The following ZNF618 variants were observed in gnomAD, a reference collection of about 807,000 sequenced individuals.
ZNF618 encodes the protein neural precursor cell expressed, developmentally down-regulated 10.
In ZNF618, 34 loss-of-function variants were observed where a neutral mutation model predicts 103.0. The observed-to-expected ratio is 0.33, with a 90% CI of 0.25 to 0.44. The LOEUF (loss-of-function observed/expected upper bound fraction) is 0.44. Among genes scored for constraint, ZNF618 ranks in the 20% least tolerant of loss-of-function variants. The pLI, the probability that ZNF618 is intolerant of heterozygous loss-of-function variation, is 1.00. For synonymous variants in ZNF618, 551 were observed against 542.2 expected (o/e 1.02, Z -0.23); for missense variants, 1,059 against 1,295.4 (o/e 0.82, Z 2.80).
At chr9:114,036,251 G>A in intron 12 of ZNF618, 49 bp from the exon 13 acceptor site, 1 of 1,528,476 alleles carries the variant, frequency 6.5e-7, no homozygotes. Context: ...AGCAGAAGGT[G>A]TCTGCGTCGG....
intron 2 of ZNF618, among the ~76,000 whole-genome samples, chr9:113,987,503 A>G (rs1344986990): frequency 1.3e-5 from 2 of 152,220 alleles, no homozygotes; most frequent in South Asian, 4.2e-4. Flanking sequence ...CAACCTAGTG[A>G]GTCTTTTTGA....
intron 1 of ZNF618, among the ~76,000 whole-genome samples, chr9:113,896,222 C>G (rs1177896128): frequency 1.3e-5 from 2 of 151,912 alleles, no homozygotes; most frequent in Admixed American, 1.3e-4. Flanking sequence ...GTTCTGCTTT[C>G]TTTAGATTTT....
At chr9:113,941,814 A>G (rs1834578943) in intron 1 of ZNF618, among the ~76,000 whole-genome samples, 1 of 152,208 alleles carries the variant, frequency 6.6e-6, no homozygotes, top group South Asian at 2.1e-4. Context: ...TTTGTAATGA[A>G]AATTTCAGCC....
intron 13 of ZNF618, among the ~76,000 whole-genome samples, chr9:114,047,491 G>A (rs1845754307): frequency 6.6e-6 from 1 of 152,126 alleles, no homozygotes; most frequent in Admixed American, 6.5e-5. Flanking sequence ...CCACTTGGGG[G>A]GTGTAGCTGG....
chr9:114,002,207 A>G (rs1331492664), intron 5 of ZNF618, 134 bp downstream of exon 5: 2 of 802,382 alleles, frequency 2.5e-6, no homozygotes, highest in South Asian at 1.4e-5. Flanking sequence ...TCCTACTTTC[A>G]TCAGTAGGAC....
At chr9:114,046,786 A>G (rs756025436) in intron 13 of ZNF618, among the ~76,000 whole-genome samples, 25 of 152,198 alleles carry the variant, frequency 1.6e-4, no homozygotes, top group Non-Finnish European at 3.4e-4. Context: ...TTCCGCATCT[A>G]TTGAGATGAC....
chr9:113,886,832 G>T (rs1829111412), intron 1 of ZNF618, among the ~76,000 whole-genome samples: 1 of 151,830 alleles, frequency 6.6e-6, no homozygotes, highest in South Asian at 2.1e-4. Flanking sequence ...ATCCATACAA[G>T]ATTTCAAAGA....
intron 1 of ZNF618, among the ~76,000 whole-genome samples, chr9:113,918,397 C>T (rs1292530742): frequency 2.6e-5 from 4 of 152,138 alleles, no homozygotes; most frequent in African/African-American, 2.4e-5. Context: ...ATGCAAATAT[C>T]TCATTTTTCA....
At chr9:113,900,023 T>C in intron 1 of ZNF618, among the ~76,000 whole-genome samples, 1 of 152,180 alleles carries the variant, frequency 6.6e-6, no homozygotes, top group South Asian at 2.1e-4. Flanking sequence ...ATGGTAATTC[T>C]GCATTTAATT....
chr9:113,915,030 C>T (rs535738107), intron 1 of ZNF618, among the ~76,000 whole-genome samples: 14 of 152,296 alleles, frequency 9.2e-5, no homozygotes, highest in South Asian at 4.1e-4. Flanking sequence ...CTCATTTTCT[C>T]TTCATTTAAC....
In ZNF618 at chr9:113,876,364, T is replaced by A; in HGVS notation, c.-17T>A. On this transcript the variant is annotated 5_prime_UTR_variant, in exon 1 of 15. Transcript: ENST00000374126. ...AGGAGCAGGACGCGCCGGGGCCGCC[T>A]CCTCCCGCACGGACCCATGAACCAG... The A allele has an allele frequency of 8.4e-7, 1 of 1,193,608 alleles. No homozygotes were observed. Among genetic ancestry groups the A allele is most frequent in the Non-Finnish European group, 1.0e-6 (1 of 966,758 alleles). 73.9% of individuals were successfully genotyped at this position (1,193,608 alleles called of 1,614,324 possible).
chr9:113,984,763 C>T (rs934916000), intron 2 of ZNF618, among the ~76,000 whole-genome samples: 2 of 152,236 alleles, frequency 1.3e-5, no homozygotes, highest in Non-Finnish European at 2.9e-5. Context: ...CATTAGCACC[C>T]ATGAGGTCTT....
Position 113,988,488 on chromosome 9 carries a change from A to G in ZNF618, c.245A>G (p.Glu82Gly). 1 of 1,613,450 alleles carries G rather than the reference A, an allele frequency of 6.2e-7. No individual in the cohort carries two copies. Among genetic ancestry groups the G allele is most frequent in the Non-Finnish European group, 8.5e-7 (1 of 1,179,870 alleles). ...GTGATCTGGCAGGGCGAGGCCAAGGAGGAGAAGAAGGCGGTCAGCAAGGAT... is the reference window on the plus strand; with the variant it reads ...GTGATCTGGCAGGGCGAGGCCAAGGGGGAGAAGAAGGCGGTCAGCAAGGAT... ...QEVIWQGEAKEEKKAVSKDGT... is the reference protein window; with the variant it reads ...QEVIWQGEAKGEKKAVSKDGT... The change falls in exon 3 of 15, where the codon GAG becomes GGG. Residue 82 changes from glutamate (E) to glycine (G), a missense_variant. Glu to Gly is a moderately conservative substitution (Grantham distance 98). This residue lies in a region of ZNF618 where 194 missense variants were observed against 209.0 expected (regional missense o/e 0.93). Coordinates refer to ENST00000374126, the MANE Select transcript of ZNF618 (RefSeq NM_001318042.2).
chr9:113,921,195 C>T (rs1832607905), intron 1 of ZNF618, among the ~76,000 whole-genome samples: 1 of 152,252 alleles, frequency 6.6e-6, no homozygotes, highest in South Asian at 2.1e-4. Flanking sequence ...GTGTCTCCCA[C>T]CTAATACCTG....
chr9:113,973,865 C>G (rs1317274580), intron 2 of ZNF618, among the ~76,000 whole-genome samples: 2 of 152,144 alleles, frequency 1.3e-5, no homozygotes, highest in Admixed American at 6.5e-5. Context: ...ATAAGGAAAT[C>G]TGGGGTAGAA....
At chr9:114,017,883 A>G (rs1356181467) in intron 10 of ZNF618, among the ~76,000 whole-genome samples, 2 of 152,102 alleles carry the variant, frequency 1.3e-5, no homozygotes, top group African/African-American at 4.8e-5. Flanking sequence ...TAGCTTCCCC[A>G]GGAATTCCTC....
intron 1 of ZNF618, among the ~76,000 whole-genome samples, chr9:113,936,257 C>T (rs1438837322): frequency 6.6e-6 from 1 of 152,194 alleles, no homozygotes; most frequent in Non-Finnish European, 1.5e-5. Flanking sequence ...TACCATGGGC[C>T]ACTCACTCCC....
chr9:113,974,034 G>A (rs1264619291), intron 2 of ZNF618, among the ~76,000 whole-genome samples: 1 of 152,192 alleles, frequency 6.6e-6, no homozygotes, highest in African/African-American at 2.4e-5. Context: ...CACTGACCTG[G>A]GTGCTGGAGG....
At chr9:113,938,125 CTT>C (rs1834186263) in intron 1 of ZNF618, among the ~76,000 whole-genome samples, 1 of 139,756 alleles carries the variant, frequency 7.2e-6, no homozygotes, top group Non-Finnish European at 1.5e-5. Flanking sequence ...GAATGTGTCT[CTT>C]TAGGTCTTTG....
Sources: allele counts gnomAD v4.1 joint callset (sites outside exome capture counted in the v4.1 genomes callset), GRCh38; gene constraint gnomAD v4.1.1; regional missense constraint gnomAD v4.1.1; transcripts MANE v1.5; gene names NCBI Gene and HGNC (gene_info 2026-07-23, HGNC 2026-07-21).